RGS22: variants seen among roughly 807,000 people sequenced by gnomAD.
The protein encoded by RGS22 is regulator of G-protein signaling 22.
In RGS22, 148 loss-of-function variants were observed where a neutral mutation model predicts 172.9. The ratio of observed to expected loss-of-function variants is 0.86; its 90% CI spans 0.75 to 0.98. The LOEUF is 0.98. RGS22 is among the 50% of genes least tolerant of loss of function. The pLI, the probability that RGS22 is intolerant of heterozygous loss-of-function variation, is 0.00. For missense variants in RGS22, 1,347 were observed against 1,440.8 expected (o/e 0.93, Z 1.05); for synonymous variants, 458 against 480.2 (o/e 0.95, Z 0.60).
rs1225614977 is a variant in RGS22 at position 100,051,833 on chromosome 8, ATGTTTATATATT to A, written c.1689+957_1689+968del. ...AATGTTTATATATATTTATATATAA[ATGTTTATATATT>A]TATATATTTATATATAAATGTTTAT... On this transcript the variant is annotated intron_variant, in intron 10 of 27. Transcript: ENST00000360863. 2.1e-3 allele frequency among the ~76,000 whole-genome samples: 113 copies of A among 53,154 alleles called. 2 individuals are homozygous for A. Among genetic ancestry groups the A allele is most frequent in the African/African-American group, 9.4e-3 (94 of 10,044 alleles). The allele number at this position is 53,154 out of a possible 152,430, so 34.9% of individuals were successfully genotyped here.
intron 23 of RGS22, among the ~76,000 whole-genome samples, chr8:99,973,751 C>T (rs1811620000): frequency 2.0e-5 from 3 of 151,580 alleles, no homozygotes; most frequent in Admixed American, 2.0e-4. Flanking sequence ...CGCCTGTAAT[C>T]CCAGCTACTT....
intron 3 of RGS22, among the ~76,000 whole-genome samples, chr8:100,083,431 G>A (rs1311314101): frequency 6.6e-6 from 1 of 152,124 alleles, no homozygotes; most frequent in Middle Eastern, 3.2e-3. Flanking sequence ...GCAGTGGCGT[G>A]ATCTCGGCTC....
chr8:100,080,993 C>T (rs1474868285), intron 3 of RGS22: 1 of 152,162 alleles, frequency 6.6e-6, no homozygotes, highest in East Asian at 1.9e-4. Flanking sequence ...CCAATAAGTA[C>T]CTCTGTGACT....
At chr8:100,040,241 T>G (rs1377448075) in intron 12 of RGS22, among the ~76,000 whole-genome samples, 154 bp from the exon 13 acceptor site, 2 of 152,234 alleles carry the variant, frequency 1.3e-5, no homozygotes, top group Non-Finnish European at 2.9e-5. Context: ...GCAGTATGTT[T>G]GCATTTGAGA....
rs2131999515 is a variant in RGS22, at chr8:100,093,487, T to C, written c.77A>G (p.Asp26Gly). Residue 26 changes from aspartate (D) to glycine (G), a missense_variant, in exon 3 of 28, where the codon GAT becomes GGT. By Grantham distance (94) the Asp-to-Gly change is moderately conservative. Transcript: ENST00000360863. The stretch of plus-strand genomic sequence containing the variant: ...TTCATTAAAGTAGTCTACAAGGAAA[T>C]CATCTGTTGCCAGAGAATCTTCCTG... ...EEFEDSLATD[D>G]FLVDYFNEFL... 1 of 1,597,786 alleles carries C rather than the reference T, an allele frequency of 6.3e-7. No homozygotes were observed.
intron 2 of RGS22, among the ~76,000 whole-genome samples, chr8:100,104,329 CGTGT>C (rs34385626): frequency 0.3 from 42,256 of 140,246 alleles, 7,531 homozygotes; most frequent in East Asian, 0.49. Flanking sequence ...AAAATATGTG[CGTGT>C]GTGTGTGTGT....
At chr8:100,067,697 T>C (rs1278574542) in intron 6 of RGS22, among the ~76,000 whole-genome samples, 1 of 149,388 alleles carries the variant, frequency 6.7e-6, no homozygotes, top group East Asian at 2.0e-4. Flanking sequence ...CAGTCTCGGC[T>C]CACTGCAACC....
chr8:100,003,751 A>G (rs1815364756), intron 17 of RGS22, among the ~76,000 whole-genome samples, 175 bp downstream of exon 17: 1 of 152,174 alleles, frequency 6.6e-6, no homozygotes, highest in African/African-American at 2.4e-5. Context: ...TACAATCAAA[A>G]TGTACTCCAT....
At chr8:100,062,564 G>C in intron 9 of RGS22, 27 bp downstream of exon 9, 1 of 1,489,502 alleles carries the variant, frequency 6.7e-7, no homozygotes, top group Non-Finnish European at 9.2e-7. Context: ...GAAAGTGAAA[G>C]TAAGTAACTG....
chr8:100,065,410 A>G (rs76886958), intron 7 of RGS22, among the ~76,000 whole-genome samples: 1,874 of 152,272 alleles, frequency 0.012, 33 homozygotes, highest in African/African-American at 0.039. Flanking sequence ...GGTATTTTCA[A>G]TTGGGGAGAT....
intron 20 of RGS22, among the ~76,000 whole-genome samples, chr8:99,992,643 CT>C (rs1035002551): frequency 6.6e-6 from 1 of 152,146 alleles, no homozygotes; most frequent in Non-Finnish European, 1.5e-5. Flanking sequence ...TATGAAGAGA[CT>C]TAGACTCCCA....
intron 3 of RGS22, among the ~76,000 whole-genome samples, chr8:100,081,195 T>C (rs1811726733): frequency 6.6e-6 from 1 of 152,078 alleles, no homozygotes; most frequent in Non-Finnish European, 1.5e-5. Flanking sequence ...AGGCGAGTGG[T>C]AGAAGAAATT....
intron 2 of RGS22, among the ~76,000 whole-genome samples, chr8:100,102,384 A>C (rs539539258): frequency 6.6e-6 from 1 of 152,332 alleles, no homozygotes; most frequent in Non-Finnish European, 1.5e-5. Context: ...GAAAGGAGAG[A>C]ATGGAGTTTG....
At chr8:100,062,052 T>C (rs542780500) in intron 9 of RGS22, among the ~76,000 whole-genome samples, 1 of 152,142 alleles carries the variant, frequency 6.6e-6, no homozygotes, top group East Asian at 1.9e-4. Flanking sequence ...CAGGAACAGA[T>C]AACCAAATAT....
At chr8:99,994,993 C>A (rs1814197052) in intron 20 of RGS22, among the ~76,000 whole-genome samples, 1 of 152,124 alleles carries the variant, frequency 6.6e-6, no homozygotes, top group African/African-American at 2.4e-5. Context: ...TTTGACAAAC[C>A]TGACAAAAAC....
chr8:100,089,231 C>T (rs564497969), intron 3 of RGS22, among the ~76,000 whole-genome samples: 2 of 151,886 alleles, frequency 1.3e-5, no homozygotes, highest in Admixed American at 1.3e-4. Flanking sequence ...CACACACACA[C>T]ACACGATATT....
At chr8:100,081,394 A>T in intron 3 of RGS22, among the ~76,000 whole-genome samples, 1 of 148,170 alleles carries the variant, frequency 6.7e-6, no homozygotes, top group Non-Finnish European at 1.5e-5. Flanking sequence ...TTAAATTTTA[A>T]TGTCTCATAA....
At position 100,039,053 on chromosome 8, in the gene RGS22, T is replaced by C. The variant is rs749562655; in HGVS notation, c.2065-21A>G. On this transcript the variant is annotated intron_variant, in intron 13 of 27. Coordinates refer to ENST00000360863, the MANE Select transcript of RGS22 (RefSeq NM_015668.5). ...CACAACTACAGATGGAAAAAGTACATAAATTATTACCACCCAATTATTAAA... is the reference window on the plus strand; with the variant it reads ...CACAACTACAGATGGAAAAAGTACACAAATTATTACCACCCAATTATTAAA... 42 of 1,386,588 alleles carry C rather than the reference T, an allele frequency of 3.0e-5. 1 individual carries two copies. In the South Asian group the frequency reaches 5.1e-4, roughly 17 times the overall value. The allele number at this position is 1,386,588 out of a possible 1,614,324, so 85.9% of individuals were successfully genotyped here.
At chr8:99,961,279 CTTA>C (rs1159769373) in intron 27 of RGS22, 83 bp from the exon 28 acceptor site, 2 of 420,252 alleles carry the variant, frequency 4.8e-6, no homozygotes, top group Non-Finnish European at 9.3e-6. Context: ...CAACAAAAAA[CTTA>C]TATAGAATTG....
Sources: gnomAD v4.1 joint callset for allele counts (sites outside exome capture counted in the v4.1 genomes callset) on GRCh38, gnomAD v4.1.1 for gene constraint, MANE v1.5 for transcripts, NCBI Gene and HGNC (gene_info 2026-07-23, HGNC 2026-07-21) for gene names.